KIRREL3: variants seen among roughly 807,000 people sequenced by gnomAD.
KIRREL3 encodes the protein kirre like nephrin family adhesion molecule 3, also known as kin of IRRE-like protein 3.
Under a neutral mutation model 89.7 loss-of-function variants are expected in KIRREL3, and 36 were observed. The ratio of observed to expected loss-of-function variants is 0.40; its 90% CI spans 0.31 to 0.53. The LOEUF (loss-of-function observed/expected upper bound fraction) is 0.53, where lower values mean the gene tolerates loss of function less well. KIRREL3 is among the 20% of genes least tolerant of loss of function. The probability of loss-of-function intolerance (pLI) is 0.49; values close to 1 mark genes in which losing one functional copy is unlikely to be tolerated. For missense variants in KIRREL3, 864 were observed against 1,056.6 expected, an observed-to-expected ratio of 0.82 and a Z score of 2.53; for synonymous variants, 445 against 441.4, an observed-to-expected ratio of 1.01 and a Z score of -0.10.
At position 126,507,565 on chromosome 11, in the gene KIRREL3, C is replaced by T. The variant is rs141614817; in HGVS notation, c.433+13750G>A. 6.4e-4 allele frequency among the ~76,000 whole-genome samples: 98 copies of T among 152,174 alleles called. 1 individual carries two copies. In the South Asian group the frequency reaches 0.011, roughly 16 times the overall value. ...ACTCCCTCCGCTACAATATGGTTCG[C>T]GGAGGTAGGAGTTTCAAGTCTGTTT... is the stretch of plus-strand genomic sequence containing the variant. On this transcript the variant is annotated intron_variant, in intron 4 of 16. Transcript: ENST00000525144.
Position 126,476,456 on chromosome 11 carries a change from C to T in KIRREL3, c.434-2990G>A, listed in dbSNP as rs1415966582. ...CTGGAGTGTTGTGTTACTGGAATATCGGATTAGAGGCAGCGAGGACGAGGG... is the reference window on the plus strand; with the variant it reads ...CTGGAGTGTTGTGTTACTGGAATATTGGATTAGAGGCAGCGAGGACGAGGG... On this transcript the variant is annotated intron_variant, in intron 4 of 16. Coordinates refer to ENST00000525144, the MANE Select transcript of KIRREL3 (RefSeq NM_032531.4). The surrounding 1 kb of genome is among the most constrained non-coding windows in gnomAD (Gnocchi z 6.4). Among the ~76,000 whole-genome samples, 1 of 152,096 alleles carries T rather than the reference C, an allele frequency of 6.6e-6. No homozygotes were observed. The highest frequency in any genetic ancestry group is 1.5e-5 in the Non-Finnish European group (1 of 68,014).
At chr11:126,757,901 C>G (rs7127398) in intron 1 of KIRREL3, among the ~76,000 whole-genome samples, 55,592 of 152,036 alleles carry the variant, frequency 0.37, 11,209 homozygotes, top group East Asian at 0.79. Flanking sequence ...CCAAAGGGAG[C>G]TGTCTCTAAA....
Position 126,570,962 on chromosome 11 carries a change from A to G in KIRREL3, c.56-8050T>C, listed in dbSNP as rs1337935981. On this transcript the variant is annotated intron_variant, in intron 1 of 16. Transcript: ENST00000525144. This position sits in a 1 kb window ranked among gnomAD's most constrained non-coding sequence, Gnocchi z 6.1. ...CTCGTTTCACCCTCACAACACCTTT[A>G]TGATCACAGGTGTTATTCTCCTTGT... is the stretch of plus-strand genomic sequence containing the variant. Among the ~76,000 whole-genome samples, 1 of 152,190 alleles carries G rather than the reference A, an allele frequency of 6.6e-6. No individual in the cohort carries two copies. The highest frequency in any genetic ancestry group is 1.9e-4 in the East Asian group (1 of 5,196).
Position 126,686,388 on chromosome 11 carries a change from CT to C in KIRREL3, c.56-123477del, listed in dbSNP as rs1187576065. 1.3e-5 allele frequency among the ~76,000 whole-genome samples: 2 copies of C among 152,054 alleles called. No homozygotes were observed. The highest frequency in any genetic ancestry group is 2.9e-5 in the Non-Finnish European group (2 of 68,014). ...TCTAGGAACTGTGCTTGGTGATGAG[CT>C]GCAGAGACAGAAGACACCATCCTAT... On this transcript the variant is annotated intron_variant, in intron 1 of 16. Coordinates refer to ENST00000525144, the MANE Select transcript of KIRREL3 (RefSeq NM_032531.4). The surrounding 1 kb of genome is among the most constrained non-coding windows in gnomAD (Gnocchi z 4.7).
chr11:126,938,308 T>C lies in KIRREL3; in HGVS notation c.55+62147A>G, dbSNP rs1708168409. 2.6e-5 allele frequency among the ~76,000 whole-genome samples: 4 copies of C among 152,324 alleles called. No individual in the cohort carries two copies. In the South Asian group the frequency reaches 8.3e-4, roughly 32 times the overall value. On this transcript the variant is annotated intron_variant, in intron 1 of 16. Transcript: ENST00000525144. ...CAGCCACAACCACAAAAGCCACCTA[T>C]TGGGTTCCAAGTGGTGTCAAGGCTC...
chr11:126,869,016 G>A (rs11220641), intron 1 of KIRREL3, among the ~76,000 whole-genome samples: 9,982 of 152,098 alleles, frequency 0.066, 440 homozygotes, highest in South Asian at 0.11. Flanking sequence ...AAAGCCCCAA[G>A]TCCTAATACT....
chr11:126,663,672 TC>T (rs1403670297), intron 1 of KIRREL3, among the ~76,000 whole-genome samples: 1 of 152,158 alleles, frequency 6.6e-6, no homozygotes, highest in Non-Finnish European at 1.5e-5. Context: ...ACATGACATG[TC>T]AGGGGAGTCC....
chr11:126,812,055 A>C lies in KIRREL3; in HGVS notation c.55+188400T>G, dbSNP rs1024610710. Among the ~76,000 whole-genome samples, 1 of 152,242 alleles carries C rather than the reference A, an allele frequency of 6.6e-6. No individual in the cohort carries two copies. ...GCAGGTTAAGGCACTTTTCGGGATT[A>C]GAGAATCTTCAAACTCAATATGCAT... On this transcript the variant is annotated intron_variant, in intron 1 of 16. Transcript: ENST00000525144. The surrounding 1 kb of genome is among the most constrained non-coding windows in gnomAD (Gnocchi z 5.2).
intron 1 of KIRREL3, among the ~76,000 whole-genome samples, chr11:126,733,401 C>G (rs910672372): frequency 1.3e-5 from 2 of 152,172 alleles, no homozygotes; most frequent in African/African-American, 4.8e-5. Flanking sequence ...CTTCCCCAGC[C>G]CTCTCTCTGT....
chr11:126,934,219 A>G (rs1182874815), intron 1 of KIRREL3, among the ~76,000 whole-genome samples: 3 of 152,172 alleles, frequency 2.0e-5, no homozygotes, highest in Non-Finnish European at 1.5e-5. Flanking sequence ...ATGGAAGAAT[A>G]GTCTTTTCAA....
rs1267494815 is a variant in KIRREL3, at chr11:126,550,415, G to A, written c.133+12420C>T. ...TAATCCCAGCACTTTGGGAGGCTGAGGCGGGTGGATCACCCGAGGTCAGGA... is the reference window on the plus strand; with the variant it reads ...TAATCCCAGCACTTTGGGAGGCTGAAGCGGGTGGATCACCCGAGGTCAGGA... On this transcript the variant is annotated intron_variant, in intron 2 of 16. Coordinates refer to ENST00000525144, the MANE Select transcript of KIRREL3 (RefSeq NM_032531.4). This position sits in a 1 kb window ranked among gnomAD's most constrained non-coding sequence, Gnocchi z 4.9. 2.0e-5 allele frequency: 3 copies of A among 152,226 alleles called. No individual in the cohort carries two copies. Among genetic ancestry groups the A allele is most frequent in the Non-Finnish European group, 4.4e-5 (3 of 68,062 alleles). The allele number at this position is 152,226 out of a possible 1,614,324, so 9.4% of individuals were successfully genotyped here.
rs375799338 is a variant in KIRREL3 at position 126,427,981 on chromosome 11, C to T, written c.1806+1198G>A. 1.2e-4 allele frequency among the ~76,000 whole-genome samples: 18 copies of T among 152,182 alleles called. No homozygotes were observed. Among genetic ancestry groups the T allele is most frequent in the Middle Eastern group, 3.4e-3 (1 of 294 alleles). On this transcript the variant is annotated intron_variant, in intron 15 of 16. Transcript: ENST00000525144. The surrounding 1 kb of genome is among the most constrained non-coding windows in gnomAD (Gnocchi z 5.3). ...ATCAATTGGAGAGAGAAAGCGTAGC[C>T]GAGGGAAAAGTCAGTTTGATTCAGT...
Position 126,594,814 on chromosome 11 carries a change from G to A in KIRREL3, c.56-31902C>T, listed in dbSNP as rs778167049. On this transcript the variant is annotated intron_variant, in intron 1 of 16. Coordinates refer to ENST00000525144, the MANE Select transcript of KIRREL3 (RefSeq NM_032531.4). The surrounding 1 kb of genome is among the most constrained non-coding windows in gnomAD (Gnocchi z 5.0). ...TCATATAAAATTCTGAAGCCTCAGC[G>A]ATGGAACCTGCATTTGGGAGCTGCT... Among the ~76,000 whole-genome samples, 1 of 152,240 alleles carries A rather than the reference G, an allele frequency of 6.6e-6. No homozygotes were observed. Among genetic ancestry groups the A allele is most frequent in the Non-Finnish European group, 1.5e-5 (1 of 68,044 alleles).
In KIRREL3 at chr11:126,764,768, G is replaced by T. The variant is rs559644494; in HGVS notation, c.56-201856C>A. Among the ~76,000 whole-genome samples the T allele has an allele frequency of 1.3e-5, 2 of 152,274 alleles. No individual in the cohort carries two copies. Among genetic ancestry groups the T allele is most frequent in the East Asian group, 3.9e-4 (2 of 5,180 alleles). ...CAGCTTCTTAGGGCCTGTGCTGTAA[G>T]CCTCCGGGGCCATATAAACGCGGCT... is the stretch of plus-strand genomic sequence containing the variant. On this transcript the variant is annotated intron_variant, in intron 1 of 16. Transcript: ENST00000525144. The surrounding 1 kb of genome is among the most constrained non-coding windows in gnomAD (Gnocchi z 4.2).
At chr11:126,842,614 C>T (rs1946062) in intron 1 of KIRREL3, among the ~76,000 whole-genome samples, 129,023 of 151,824 alleles carry the variant, frequency 0.85, 55,024 homozygotes, top group East Asian at 1. Flanking sequence ...CTTGTCTTTG[C>T]AGAGCTTCAG....
intron 1 of KIRREL3, among the ~76,000 whole-genome samples, chr11:126,854,853 G>A (rs769523588): frequency 1.3e-5 from 2 of 152,150 alleles, no homozygotes; most frequent in Admixed American, 6.5e-5. Context: ...AGTGCACAAA[G>A]GGTCCAATTC....
chr11:126,589,053 T>C (rs1000805896), intron 1 of KIRREL3, among the ~76,000 whole-genome samples: 2 of 152,164 alleles, frequency 1.3e-5, no homozygotes, highest in Non-Finnish European at 2.9e-5. Context: ...ACCCGCACAC[T>C]AGCTGCCTCT....
intron 1 of KIRREL3, among the ~76,000 whole-genome samples, chr11:126,846,869 T>G (rs1944160780): frequency 6.6e-6 from 1 of 152,164 alleles, no homozygotes; most frequent in Non-Finnish European, 1.5e-5. Flanking sequence ...AAAATTAGTC[T>G]TGTAAAAAAA....
At chr11:126,633,680 G>A (rs1184794703) in intron 1 of KIRREL3, among the ~76,000 whole-genome samples, 5 of 152,102 alleles carry the variant, frequency 3.3e-5, no homozygotes, top group African/African-American at 1.2e-4. Flanking sequence ...ATAACCATGA[G>A]CCAATTAGAT....
Sources: gnomAD v4.1 joint callset for allele counts (sites outside exome capture counted in the v4.1 genomes callset) on GRCh38, gnomAD v4.1.1 for gene constraint, Gnocchi (gnomAD v3.1) non-coding constraint, MANE v1.5 for transcripts, NCBI Gene and HGNC (gene_info 2026-07-23, HGNC 2026-07-21) for gene names.